NCKAP1L: variants seen among roughly 807,000 people sequenced by gnomAD.
NCKAP1L encodes the protein NCK associated protein 1 like.
In NCKAP1L, 53 loss-of-function variants were observed where a neutral mutation model predicts 139.2. That is an observed-to-expected ratio of 0.38 (90% CI 0.31 to 0.48). NCKAP1L has a LOEUF of 0.48. Ranked by LOEUF, NCKAP1L falls within the 20% of genes least tolerant of loss-of-function variation. NCKAP1L has a pLI of 0.98. For missense variants in NCKAP1L, 1,151 were observed against 1,381.9 expected (o/e 0.83, Z 2.65); for synonymous variants, 468 against 499.7 (o/e 0.94, Z 0.85).
In NCKAP1L at chr12:54,547,420, G is replaced by A. The variant is rs1336727789; in HGVS notation, c.*4735G>A. 1 of 151,966 alleles carries A rather than the reference G, an allele frequency of 6.6e-6. No homozygotes were observed. Among genetic ancestry groups the A allele is most frequent in the East Asian group, 1.9e-4 (1 of 5,176 alleles). The allele number at this position is 151,966 out of a possible 1,614,324, so 9.4% of individuals were successfully genotyped here. ...TTTTCCATCAAACTGTGTTGTCTAT[G>A]AAGTTTTCCCATTTATTAAATGAAG... is the stretch of plus-strand genomic sequence containing the variant. On this transcript the variant is annotated 3_prime_UTR_variant, in exon 31 of 31. Coordinates refer to ENST00000293373, the MANE Select transcript of NCKAP1L (RefSeq NM_005337.5).
intron 7 of NCKAP1L, chr12:54,510,251 T>C (rs943059114): frequency 1.1e-5 from 6 of 521,824 alleles, no homozygotes; most frequent in Admixed American, 3.2e-5. Flanking sequence ...ATTCATAGAA[T>C]GAATGAATGG....
chr12:54,498,755 T>G, intron 1 of NCKAP1L: 1 of 984,820 alleles, frequency 1.0e-6, no homozygotes, highest in Non-Finnish European at 1.2e-6. Context: ...CCGGCTTCAG[T>G]TGAGGGGCGG....
chr12:54,528,631 C>CTT (rs1187000572), intron 22 of NCKAP1L, among the ~76,000 whole-genome samples: 1 of 142,990 alleles, frequency 7.0e-6, no homozygotes. Flanking sequence ...TCTTCTTCTT[C>CTT]TTTTTTTTTT....
intron 20 of NCKAP1L, 68 bp from the exon 21 acceptor site, chr12:54,526,460 A>G (rs1957026247): frequency 3.2e-6 from 4 of 1,259,564 alleles, no homozygotes; most frequent in Non-Finnish European, 4.6e-6. Flanking sequence ...CACAATATAC[A>G]CTCAACAATT....
At chr12:54,534,991 C>A in intron 26 of NCKAP1L, 113 bp from the exon 27 acceptor site, 1 of 699,168 alleles carries the variant, frequency 1.4e-6, no homozygotes, top group Non-Finnish European at 2.3e-6. Flanking sequence ...TATATAAAAG[C>A]ATCTTTAAAA....
At chr12:54,517,095 C>G in intron 11 of NCKAP1L, 103 bp downstream of exon 11, 2 of 922,072 alleles carry the variant, frequency 2.2e-6, no homozygotes, top group Non-Finnish European at 3.5e-6. Context: ...TTTTGTCATT[C>G]ATTTGTATGT....
At chr12:54,535,562 T>C (rs1957108222) in intron 27 of NCKAP1L, among the ~76,000 whole-genome samples, 1 of 152,250 alleles carries the variant, frequency 6.6e-6, no homozygotes, top group African/African-American at 2.4e-5. Flanking sequence ...TAGTGGGTTG[T>C]GTGGTATAGC....
chr12:54,503,661 G>A (rs924669391), intron 3 of NCKAP1L, among the ~76,000 whole-genome samples: 1 of 148,146 alleles, frequency 6.8e-6, no homozygotes, highest in African/African-American at 2.5e-5. Flanking sequence ...TTTTTTTGAG[G>A]CGGAGTCTTA....
Position 54,531,334 on chromosome 12 carries a change from A to G in NCKAP1L, c.2581A>G (p.Thr861Ala), listed in dbSNP as rs1198053347. The stretch of plus-strand genomic sequence containing the variant: ...GAGTGAAAACCTGATGTGGCATGTG[A>G]CCTCTCAGATTGTGGAGCTGAAGGT... ...FLSENLMWHVTSQIVELKKLV... is the reference protein window; with the variant it reads ...FLSENLMWHVASQIVELKKLV... The change falls in exon 23 of 31, where the codon ACC (threonine) becomes GCC (alanine). Residue 861 changes from threonine to alanine, a missense_variant. Coordinates refer to ENST00000293373, the MANE Select transcript of NCKAP1L (RefSeq NM_005337.5). 1 of 1,613,862 alleles carries G rather than the reference A, an allele frequency of 6.2e-7. No individual in the cohort carries two copies. The highest frequency in any genetic ancestry group is 8.5e-7 in the Non-Finnish European group (1 of 1,179,968).
At chr12:54,524,284 G>T (rs192521744) in intron 20 of NCKAP1L, among the ~76,000 whole-genome samples, 2 of 152,310 alleles carry the variant, frequency 1.3e-5, no homozygotes, top group East Asian at 1.9e-4. Context: ...GGAGCAGATC[G>T]TCCAACTTAT....
chr12:54,526,810 A>G (rs931819500), intron 21 of NCKAP1L, 64 bp downstream of exon 21: 30 of 1,389,778 alleles, frequency 2.2e-5, no homozygotes, highest in Middle Eastern at 2.1e-4. Context: ...TTTACACGGT[A>G]GGACCTCAGG....
rs546060344 is a variant in NCKAP1L, at chr12:54,534,905, G to A, written c.2863-199G>A. On this transcript the variant is annotated intron_variant, in intron 26 of 30. Coordinates refer to ENST00000293373, the MANE Select transcript of NCKAP1L (RefSeq NM_005337.5). Reference sequence around the variant, plus strand: ...TAATCCCAGCACTTTGGGAGGCTGAGGTAGGAGGATTTCTTGAGCCCAGGA... The same window carrying A: ...TAATCCCAGCACTTTGGGAGGCTGAAGTAGGAGGATTTCTTGAGCCCAGGA... Among the ~76,000 whole-genome samples, 160 of 152,190 alleles carry A rather than the reference G, an allele frequency of 1.1e-3. 1 individual carries two copies. Among genetic ancestry groups the A allele is most frequent in the African/African-American group, 3.5e-3 (147 of 41,516 alleles).
At chr12:54,532,706 C>T (rs527506646) in intron 26 of NCKAP1L, among the ~76,000 whole-genome samples, 122 of 152,216 alleles carry the variant, frequency 8.0e-4, no homozygotes, top group Non-Finnish European at 1.4e-3. Context: ...CTTAAGCTTT[C>T]TGGTTCCTCT....
Position 54,499,446 on chromosome 12 carries a change from T to G in NCKAP1L, c.194T>G (p.Ile65Arg). The G allele has an allele frequency of 6.3e-7, 1 of 1,589,068 alleles. No homozygotes were observed. The highest frequency in any genetic ancestry group is 8.6e-7 in the Non-Finnish European group (1 of 1,157,228). Residue 65 changes from isoleucine to arginine, a missense_variant, in exon 2 of 31, where the codon ATA (isoleucine) becomes AGA (arginine). Physicochemically the swap from Ile to Arg is moderately conservative, Grantham distance 97. Coordinates refer to ENST00000293373, the MANE Select transcript of NCKAP1L (RefSeq NM_005337.5). ...LKYINKKFPN[I>R]DVRNSTQHLG... ...TATATCAACAAGAAATTTCCCAACA[T>G]AGATGTCCGAAACAGCACGGTGAGA...
intron 30 of NCKAP1L, among the ~76,000 whole-genome samples, chr12:54,541,857 T>C (rs1231557939): frequency 6.6e-6 from 1 of 152,102 alleles, no homozygotes; most frequent in African/African-American, 2.4e-5. Context: ...TACACCCTGC[T>C]CCTTCCTCAG....
chr12:54,532,723 G>A (rs940296741), intron 26 of NCKAP1L, among the ~76,000 whole-genome samples: 6 of 151,806 alleles, frequency 4.0e-5, no homozygotes, highest in African/African-American at 1.5e-4. Context: ...CTCTATGTCT[G>A]TTTCACCTGC....
At position 54,512,125 on chromosome 12, in the gene NCKAP1L, A is replaced by C. The variant is rs201313651; in HGVS notation, c.941+20A>C. ...GAAAGGGTGAGAGACACGAGAGCCA[A>C]ACTGATCTTCCTTGAATAGTTTTTA... On this transcript the variant is annotated intron_variant, in intron 9 of 30. Transcript: ENST00000293373. The C allele has an allele frequency of 6.2e-7, 1 of 1,612,370 alleles. No homozygotes were observed. The highest frequency in any genetic ancestry group is 2.2e-5 in the East Asian group (1 of 44,874).
chr12:54,522,655 C>T (rs983673394), intron 18 of NCKAP1L, among the ~76,000 whole-genome samples: 12 of 152,104 alleles, frequency 7.9e-5, no homozygotes, highest in African/African-American at 2.2e-4. Flanking sequence ...AAAGAAGGCA[C>T]GACTAAAAGT....
Position 54,499,350 on chromosome 12 carries a change from T to C in NCKAP1L, c.103-5T>C, listed in dbSNP as rs1168696024. ...GGTTGAAATATATATGGTTTCTCTC[T>C]GCAGACTTGTTCAGACCCCAAATCT... is the stretch of plus-strand genomic sequence containing the variant. On this transcript the variant is annotated splice_region_variant and splice_polypyrimidine_tract_variant and intron_variant, in intron 1 of 30. Transcript: ENST00000293373. 2 of 1,505,786 alleles carry C rather than the reference T, an allele frequency of 1.3e-6. No homozygotes were observed. Among genetic ancestry groups the C allele is most frequent in the South Asian group, 2.3e-5 (2 of 88,888 alleles). 93.3% of individuals were successfully genotyped at this position (1,505,786 alleles called of 1,614,324 possible).
Sources: allele counts gnomAD v4.1 joint callset (sites outside exome capture counted in the v4.1 genomes callset), GRCh38; gene constraint gnomAD v4.1.1; transcripts MANE v1.5; gene names NCBI Gene and HGNC (gene_info 2026-07-23, HGNC 2026-07-21).